Variants in KCNN1 observed in about 807,000 individuals in gnomAD.
The protein encoded by KCNN1 is potassium calcium-activated channel subfamily N member 1, also known as small conductance calcium-activated potassium channel protein 1.
Under a neutral mutation model 44.7 loss-of-function variants are expected in KCNN1, and 20 were observed. The ratio of observed to expected loss-of-function variants is 0.45; its 90% CI spans 0.32 to 0.65. KCNN1 has a LOEUF of 0.65. Among genes scored for constraint, KCNN1 ranks in the 30% least tolerant of loss-of-function variants. KCNN1 has a pLI of 0.05. For missense variants in KCNN1, 632 were observed against 785.3 expected, an observed-to-expected ratio of 0.80 and a Z score of 2.33; for synonymous variants, 324 against 341.7, an observed-to-expected ratio of 0.95 and a Z score of 0.57.
At chr19:17,975,912 C>T (rs1217834850) in intron 3 of KCNN1, among the ~76,000 whole-genome samples, 1 of 151,560 alleles carries the variant, frequency 6.6e-6, no homozygotes, top group Non-Finnish European at 1.5e-5. Flanking sequence ...GCCATATTGC[C>T]CAGGCTGGCC....
At chr19:17,986,393 T>C (rs2032597559) in intron 5 of KCNN1, among the ~76,000 whole-genome samples, 1 of 150,514 alleles carries the variant, frequency 6.6e-6, no homozygotes, top group African/African-American at 2.4e-5. Context: ...AGAAACCTGC[T>C]GGGCTGTGTC....
intron 3 of KCNN1, among the ~76,000 whole-genome samples, chr19:17,981,318 G>A (rs59538368): frequency 0.18 from 27,049 of 151,860 alleles, 2,585 homozygotes; most frequent in East Asian, 0.36. Flanking sequence ...TTGGGAGGCC[G>A]AGGTGGGCAG....
At chr19:17,977,065 T>C (rs2032231386) in intron 3 of KCNN1, among the ~76,000 whole-genome samples, 1 of 151,786 alleles carries the variant, frequency 6.6e-6, no homozygotes, top group Admixed American at 6.6e-5. Flanking sequence ...AGAAATGTAT[T>C]GTCTGAAAGT....
At position 17,988,572 on chromosome 19, in the gene KCNN1, G is replaced by A. The variant is rs538708143; in HGVS notation, c.1170+47G>A. The A allele has an allele frequency of 1.1e-5, 15 of 1,414,044 alleles. No homozygotes were observed. The Middle Eastern group carries it at 5.3e-4, about 50-fold the overall frequency. 87.6% of individuals were successfully genotyped at this position (1,414,044 alleles called of 1,614,324 possible). On this transcript the variant is annotated intron_variant, in intron 6 of 9. Transcript: ENST00000684775. ...GAGGCCGCCTCCTGGCCTTGTCAGC[G>A]AGCGTAGAACTTCCCTGCTTTCCCT...
chr19:17,981,867 C>CT lies in KCNN1; in HGVS notation c.658dup (p.Ser220PhefsTer156). The CT allele has an allele frequency of 6.2e-7, 1 of 1,612,606 alleles. No homozygotes were observed. Among genetic ancestry groups the CT allele is most frequent in the Non-Finnish European group, 8.5e-7 (1 of 1,179,198 alleles). ...CGCGGCTGGCCTTCACGTACGCGCCCTCGGTGGCCGAGGCCGACGTGGACG... is the reference window on the plus strand; with the variant it reads ...CGCGGCTGGCCTTCACGTACGCGCCCTTCGGTGGCCGAGGCCGACGTGGACG... On this transcript the variant is annotated frameshift_variant, in exon 4 of 10. Transcript: ENST00000684775. LOFTEE classifies it high-confidence loss of function.
At chr19:17,978,792 C>T (rs1360432113) in intron 3 of KCNN1, among the ~76,000 whole-genome samples, 3 of 150,856 alleles carry the variant, frequency 2.0e-5, no homozygotes, top group African/African-American at 4.9e-5. Flanking sequence ...CAGTGACTCA[C>T]GCCTGTAATC....
chr19:17,986,138 G>A (rs1230639861), intron 5 of KCNN1, among the ~76,000 whole-genome samples: 2 of 151,986 alleles, frequency 1.3e-5, no homozygotes, highest in African/African-American at 4.8e-5. Flanking sequence ...GGCCAAGGCG[G>A]GTGGATCACG....
rs371671009 is a variant in KCNN1 at position 17,981,892 on chromosome 19, G to T, written c.682G>T (p.Val228Leu). 3.4e-5 allele frequency: 55 copies of T among 1,612,360 alleles called. No individual in the cohort carries two copies. Among genetic ancestry groups the T allele is most frequent in the Non-Finnish European group, 4.6e-5 (54 of 1,178,960 alleles). Residue 228 changes from valine (V) to leucine (L), a missense_variant, in exon 4 of 10, where the codon GTG (valine) becomes TTG (leucine). By Grantham distance (32) the Val-to-Leu change is conservative. Around this residue, in one of 3 missense-constraint regions of KCNN1, gnomAD observed 160 missense variants for 308.3 expected, o/e 0.52. Transcript: ENST00000684775. ...APSVAEADVD[V>L]LLSIPMFLRL... Reference sequence around the variant, plus strand: ...CTCGGTGGCCGAGGCCGACGTGGACGTGCTGCTGTCCATCCCCATGTTCCT... The same window carrying T: ...CTCGGTGGCCGAGGCCGACGTGGACTTGCTGCTGTCCATCCCCATGTTCCT...
At chr19:17,952,075 G>A (rs1488213907) in intron 1 of KCNN1, 2 of 152,308 alleles carry the variant, frequency 1.3e-5, no homozygotes, top group African/African-American at 4.8e-5. Context: ...GAGACCTGGA[G>A]GGGGATTCCA....
At chr19:17,976,897 G>A (rs1056550941) in intron 3 of KCNN1, among the ~76,000 whole-genome samples, 1 of 151,700 alleles carries the variant, frequency 6.6e-6, no homozygotes, top group African/African-American at 2.4e-5. Flanking sequence ...TGTATTTTTA[G>A]TACAGATGGG....
At chr19:17,988,969 T>C (rs1430838618) in intron 6 of KCNN1, among the ~76,000 whole-genome samples, 1 of 150,788 alleles carries the variant, frequency 6.6e-6, no homozygotes, top group Non-Finnish European at 1.5e-5. Flanking sequence ...CTGTGAGTAA[T>C]GCACAGAGAG....
At chr19:17,963,077 G>C (rs1768373521), upstream of KCNN1, among the ~76,000 whole-genome samples, 1 of 145,192 alleles carries the variant, frequency 6.9e-6, no homozygotes, top group East Asian at 2.0e-4. Flanking sequence ...GCGCGATCTC[G>C]GTTCACTGCA....
chr19:17,971,689 C>T (rs2032028829), intron 1 of KCNN1, among the ~76,000 whole-genome samples: 1 of 151,752 alleles, frequency 6.6e-6, no homozygotes, highest in South Asian at 2.1e-4. Context: ...GTCTCGAACT[C>T]CTGACCTCAG....
At chr19:17,985,895 G>A (rs1318062918) in intron 5 of KCNN1, among the ~76,000 whole-genome samples, 2 of 152,234 alleles carry the variant, frequency 1.3e-5, no homozygotes, top group African/African-American at 4.8e-5. Context: ...GGTTATTTAT[G>A]TGAGAATCCC....
intron 4 of KCNN1, among the ~76,000 whole-genome samples, chr19:17,984,095 G>T (rs1024635787): frequency 7.2e-5 from 11 of 151,730 alleles, no homozygotes; most frequent in African/African-American, 2.7e-4. Context: ...CCCGGGAGGT[G>T]TAGGTTGCAG....
At chr19:17,980,629 G>A (rs1484389205) in intron 3 of KCNN1, among the ~76,000 whole-genome samples, 1 of 152,096 alleles carries the variant, frequency 6.6e-6, no homozygotes, top group Non-Finnish European at 1.5e-5. Flanking sequence ...TGAAGCTGGT[G>A]CGGTTGCTCA....
Position 17,993,072 on chromosome 19 carries a change from C to T in KCNN1, c.1307+10C>T. 1 of 1,613,774 alleles carries T rather than the reference C, an allele frequency of 6.2e-7. No individual in the cohort carries two copies. The highest frequency in any genetic ancestry group is 8.5e-7 in the Non-Finnish European group (1 of 1,179,798). Reference sequence around the variant, plus strand: ...CTGCCAGGGCTCAGAAGTAAGTGTTCTCCCAGGGGCTTGGTGGGGCTGGGA... The same window carrying T: ...CTGCCAGGGCTCAGAAGTAAGTGTTTTCCCAGGGGCTTGGTGGGGCTGGGA... On this transcript the variant is annotated intron_variant, in intron 8 of 9. Coordinates refer to ENST00000684775, the MANE Select transcript of KCNN1 (RefSeq NM_001386974.1). The surrounding 1 kb of genome is among the most constrained non-coding windows in gnomAD (Gnocchi z 4.5).
At chr19:17,952,734 G>A (rs1206291323) in intron 1 of KCNN1, among the ~76,000 whole-genome samples, 1 of 152,150 alleles carries the variant, frequency 6.6e-6, no homozygotes, top group African/African-American at 2.4e-5. Flanking sequence ...CGTTGTGGCG[G>A]GGATTCCCTG....
chr19:17,993,153 C>T lies in KCNN1; in HGVS notation c.1307+91C>T. On this transcript the variant is annotated intron_variant, in intron 8 of 9. Coordinates refer to ENST00000684775, the MANE Select transcript of KCNN1 (RefSeq NM_001386974.1). The surrounding 1 kb of genome is among the most constrained non-coding windows in gnomAD (Gnocchi z 4.5). ...GGGTACACCCGGGGCATGCCAACCCCAGCCTCAGAGGCGGGCAGGGTTCAC... is the reference window on the plus strand; with the variant it reads ...GGGTACACCCGGGGCATGCCAACCCTAGCCTCAGAGGCGGGCAGGGTTCAC... 1 of 1,502,284 alleles carries T rather than the reference C, an allele frequency of 6.7e-7. No homozygotes were observed. Among genetic ancestry groups the T allele is most frequent in the East Asian group, 2.3e-5 (1 of 43,860 alleles). 93.1% of individuals were successfully genotyped at this position (1,502,284 alleles called of 1,614,324 possible).
Sources: gnomAD v4.1 joint callset for allele counts (sites outside exome capture counted in the v4.1 genomes callset) on GRCh38, gnomAD v4.1.1 for gene constraint, gnomAD v4.1.1 regional missense constraint, Gnocchi (gnomAD v3.1) non-coding constraint, MANE v1.5 for transcripts, NCBI Gene and HGNC (gene_info 2026-07-23, HGNC 2026-07-21) for gene names.